Variants in PIGK observed in about 807,000 individuals in gnomAD.
PIGK encodes GPI-anchor transamidase.
Under a neutral mutation model 50.6 loss-of-function variants are expected in PIGK, and 42 were observed. The observed-to-expected ratio is 0.83, with a 90% CI of 0.65 to 1.07. PIGK has a LOEUF of 1.07. Ranked by LOEUF, PIGK falls within the 50% of genes least tolerant of loss-of-function variation. PIGK has a pLI of 0.00. For missense variants in PIGK, 448 were observed against 488.7 expected, an observed-to-expected ratio of 0.92 and a Z score of 0.78; for synonymous variants, 151 against 156.0, an observed-to-expected ratio of 0.97 and a Z score of 0.24.
At chr1:77,176,210 G>A (rs1319217617) in intron 3 of PIGK, among the ~76,000 whole-genome samples, 1 of 152,098 alleles carries the variant, frequency 6.6e-6, no homozygotes, top group Admixed American at 6.6e-5. Context: ...ACTCTAACAT[G>A]TTTGATAGGC....
intron 10 of PIGK, among the ~76,000 whole-genome samples, chr1:77,099,888 T>C (rs79970066): frequency 0.036 from 5,440 of 152,218 alleles, 314 homozygotes; most frequent in African/African-American, 0.12. Context: ...TAAGTTACAA[T>C]ACAAAGGTGA....
At chr1:77,125,244 A>C (rs1654204919) in intron 9 of PIGK, among the ~76,000 whole-genome samples, 1 of 152,196 alleles carries the variant, frequency 6.6e-6, no homozygotes, top group South Asian at 2.1e-4. Flanking sequence ...AATTCCAAAC[A>C]TGTTTCTGTA....
intron 3 of PIGK, among the ~76,000 whole-genome samples, chr1:77,204,995 T>A (rs1177891639): frequency 6.6e-6 from 1 of 152,132 alleles, no homozygotes; most frequent in Admixed American, 6.6e-5. Context: ...AAGCAATTAT[T>A]TGAAACAGAA....
intron 3 of PIGK, among the ~76,000 whole-genome samples, chr1:77,203,080 C>T (rs915925860): frequency 2.4e-4 from 36 of 152,200 alleles, no homozygotes; most frequent in African/African-American, 8.4e-4. Flanking sequence ...CATAAGTAAA[C>T]CACTTTATTC....
chr1:77,197,571 C>G (rs1429419963), intron 3 of PIGK, among the ~76,000 whole-genome samples: 1 of 152,202 alleles, frequency 6.6e-6, no homozygotes, highest in Non-Finnish European at 1.5e-5. Context: ...TGCAGCCACT[C>G]ATGTTCTCGT....
chr1:77,143,199 T>C (rs1266799958), intron 9 of PIGK, among the ~76,000 whole-genome samples: 1 of 152,184 alleles, frequency 6.6e-6, no homozygotes, highest in Admixed American at 6.5e-5. Context: ...TTATTACTAA[T>C]TAGTAATAAA....
At chr1:77,156,927 C>T (rs951065871) in intron 8 of PIGK, among the ~76,000 whole-genome samples, 2 of 152,064 alleles carry the variant, frequency 1.3e-5, no homozygotes, top group Admixed American at 1.3e-4. Flanking sequence ...GGAAACATCA[C>T]AAATATAAAC....
At chr1:77,163,797 A>G in intron 6 of PIGK, 49 bp downstream of exon 6, 1 of 970,742 alleles carries the variant, frequency 1.0e-6, no homozygotes, top group East Asian at 2.5e-5. Flanking sequence ...GAACCATGTG[A>G]AAATTAGGTA....
intron 10 of PIGK, among the ~76,000 whole-genome samples, chr1:77,105,088 G>A (rs1653636401): frequency 2.0e-5 from 3 of 152,108 alleles, no homozygotes; most frequent in Admixed American, 1.3e-4. Flanking sequence ...ATTGAAGGAT[G>A]GTGAAGGTAG....
chr1:77,188,861 C>T (rs1218052444), intron 3 of PIGK, among the ~76,000 whole-genome samples: 1 of 152,002 alleles, frequency 6.6e-6, no homozygotes, highest in Admixed American at 6.6e-5. Flanking sequence ...CCGATAGTCA[C>T]CCCACTAGGA....
chr1:77,115,128 T>C (rs1653932669), intron 10 of PIGK, among the ~76,000 whole-genome samples: 1 of 152,014 alleles, frequency 6.6e-6, no homozygotes, highest in Non-Finnish European at 1.5e-5. Flanking sequence ...ATTGCAACAG[T>C]GGAACAACAT....
In PIGK at chr1:77,090,377, T is replaced by G. The variant is rs933363917; in HGVS notation, c.*1997A>C. On this transcript the variant is annotated 3_prime_UTR_variant, in exon 11 of 11. Coordinates refer to ENST00000370812, the MANE Select transcript of PIGK (RefSeq NM_005482.3). Reference sequence around the variant, plus strand: ...GTTATAAGTGAAACATTTAACATATTTTAAGCTTTTGGCTTTAACTATATT... The same window carrying G: ...GTTATAAGTGAAACATTTAACATATGTTAAGCTTTTGGCTTTAACTATATT... The G allele has an allele frequency of 1.9e-4, 29 of 152,368 alleles. No individual in the cohort carries two copies. The highest frequency in any genetic ancestry group is 6.7e-4 in the African/African-American group (28 of 41,584). 9.4% of individuals were successfully genotyped at this position (152,368 alleles called of 1,614,324 possible).
At chr1:77,167,610 T>G (rs956570927) in intron 4 of PIGK, among the ~76,000 whole-genome samples, 2 of 151,864 alleles carry the variant, frequency 1.3e-5, no homozygotes, top group Admixed American at 1.3e-4. Context: ...CCAGGCAAGG[T>G]GGTGCACACC....
chr1:77,152,085 C>A (rs1557807232), intron 9 of PIGK, among the ~76,000 whole-genome samples: 3 of 152,094 alleles, frequency 2.0e-5, no homozygotes, highest in South Asian at 2.1e-4. Flanking sequence ...ACGCATCATA[C>A]TATTTGATTT....
At chr1:77,207,771 A>C (rs1186265463) in intron 2 of PIGK, among the ~76,000 whole-genome samples, 1 of 152,176 alleles carries the variant, frequency 6.6e-6, no homozygotes, top group East Asian at 1.9e-4. Context: ...AGTAGGTATA[A>C]TGACAATTTT....
intron 3 of PIGK, among the ~76,000 whole-genome samples, chr1:77,194,469 C>T (rs563400545): frequency 6.6e-6 from 1 of 152,070 alleles, no homozygotes; most frequent in African/African-American, 2.4e-5. Flanking sequence ...AAAAAACACA[C>T]AATTTTGCCC....
intron 3 of PIGK, among the ~76,000 whole-genome samples, chr1:77,189,730 TATATATATATATATATATAC>T (rs1426206823): frequency 0.023 from 800 of 35,288 alleles, 4 homozygotes; most frequent in Middle Eastern, 0.037. Flanking sequence ...TATATATATA[TATATATATATATATATATAC>T]ACACACACAC....
intron 9 of PIGK, among the ~76,000 whole-genome samples, chr1:77,125,402 T>C (rs1654208734): frequency 6.6e-6 from 1 of 152,188 alleles, no homozygotes. Context: ...CAAATGCAAT[T>C]CACAAGTAAT....
chr1:77,131,500 T>G (rs1654370766), intron 9 of PIGK, among the ~76,000 whole-genome samples: 1 of 152,090 alleles, frequency 6.6e-6, no homozygotes, highest in African/African-American at 2.4e-5. Flanking sequence ...AATGCTTCTA[T>G]AATTTCACAC....
Sources: gnomAD v4.1 joint callset for allele counts (sites outside exome capture counted in the v4.1 genomes callset) on GRCh38, gnomAD v4.1.1 for gene constraint, MANE v1.5 for transcripts, NCBI Gene and HGNC (gene_info 2026-07-23, HGNC 2026-07-21) for gene names.